The following PRKAR1B variants were observed in gnomAD, a reference collection of about 807,000 sequenced individuals.
PRKAR1B encodes cAMP-dependent protein kinase type I-beta regulatory subunit.
A neutral mutation model predicts 46.5 loss-of-function variants in PRKAR1B; 22 were observed. The ratio of observed to expected loss-of-function variants is 0.47; its 90% confidence interval spans 0.34 to 0.68. The LOEUF is 0.68. Ranked by LOEUF, PRKAR1B falls within the 30% of genes least tolerant of loss-of-function variation. The pLI is 0.01. For missense variants in PRKAR1B, 445 were observed against 535.6 expected (o/e 0.83, Z 1.67); for synonymous variants, 259 against 217.7 (o/e 1.19, Z -1.67).
Position 726,088 on chromosome 7 carries a change from CTGCATGCAGCCAGTT to C in PRKAR1B, c.-23+1107_-23+1121del, listed in dbSNP as rs1198821724. 5.3e-5 allele frequency among the ~76,000 whole-genome samples: 8 copies of C among 150,526 alleles called. No individual in the cohort carries two copies. In the East Asian group the frequency reaches 1.5e-3, roughly 29 times the overall value. On this transcript the variant is annotated intron_variant, in intron 1 of 10. Transcript: ENST00000537384. ...GCCAGTTTCTGCATGCAGCCAGTTT[CTGCATGCAGCCAGTT>C]TCTGCATGCATTAAACTCTCTATTG...
intron 2 of PRKAR1B, among the ~76,000 whole-genome samples, chr7:683,016 C>T (rs1004952983): frequency 9.2e-5 from 14 of 152,218 alleles, no homozygotes; most frequent in Admixed American, 1.3e-4. Context: ...AGCTCGGGAG[C>T]TTCCCGAAAA....
At chr7:675,333 G>A (rs775660896) in intron 4 of PRKAR1B, among the ~76,000 whole-genome samples, 3 of 152,200 alleles carry the variant, frequency 2.0e-5, no homozygotes, top group East Asian at 1.9e-4. Context: ...CTGCACTCAC[G>A]GGCACACGCC....
At chr7:647,999 A>G (rs1048060206) in intron 4 of PRKAR1B, among the ~76,000 whole-genome samples, 13 of 151,752 alleles carry the variant, frequency 8.6e-5, no homozygotes. Flanking sequence ...TTTAAAAATT[A>G]GCCGGGTGTG....
chr7:724,685 T>A (rs113451255), intron 1 of PRKAR1B, among the ~76,000 whole-genome samples: 1 of 152,218 alleles, frequency 6.6e-6, no homozygotes, highest in Non-Finnish European at 1.5e-5. Context: ...TAGTTCAACA[T>A]CCCTTGACAC....
intron 9 of PRKAR1B, among the ~76,000 whole-genome samples, chr7:577,309 A>G (rs1384645325): frequency 6.6e-6 from 1 of 152,166 alleles, no homozygotes; most frequent in African/African-American, 2.4e-5. Context: ...TGGACCCAAA[A>G]TGATCCTCGT....
intron 2 of PRKAR1B, among the ~76,000 whole-genome samples, chr7:685,956 T>G (rs1583418312): frequency 1.3e-5 from 2 of 152,206 alleles, no homozygotes; most frequent in East Asian, 3.9e-4. Flanking sequence ...ATAATAAAAT[T>G]TTGAAAAGGA....
chr7:576,173 ACGC>A (rs1166983057), intron 9 of PRKAR1B, among the ~76,000 whole-genome samples: 1 of 147,810 alleles, frequency 6.8e-6, no homozygotes, highest in African/African-American at 2.5e-5. Context: ...GCGGGCGTGC[ACGC>A]TGGCATCCTC....
At chr7:628,389 G>A (rs1783533001) in intron 4 of PRKAR1B, among the ~76,000 whole-genome samples, 1 of 152,206 alleles carries the variant, frequency 6.6e-6, no homozygotes, top group Non-Finnish European at 1.5e-5. Context: ...GTCAGCAGAG[G>A]GCAGGCGGGG....
intron 4 of PRKAR1B, among the ~76,000 whole-genome samples, chr7:643,041 A>G (rs62432173): frequency 0.089 from 13,474 of 151,654 alleles, 977 homozygotes; most frequent in Non-Finnish European, 0.13. Context: ...TGTACGGCAG[A>G]GCCTGGCACA....
At chr7:641,379 AT>A (rs1250169266) in intron 4 of PRKAR1B, among the ~76,000 whole-genome samples, 1 of 152,226 alleles carries the variant, frequency 6.6e-6, no homozygotes, top group African/African-American at 2.4e-5. Context: ...ATTGTTCATA[AT>A]AGCTCCAAAC....
chr7:577,140 A>T (rs1171232938), intron 9 of PRKAR1B, among the ~76,000 whole-genome samples: 2 of 151,982 alleles, frequency 1.3e-5, no homozygotes, highest in Non-Finnish European at 2.9e-5. Flanking sequence ...GTCCAACTCC[A>T]TCAGCGGCCC....
At chr7:567,848 G>T (rs1460594227) in intron 9 of PRKAR1B, among the ~76,000 whole-genome samples, 1 of 152,140 alleles carries the variant, frequency 6.6e-6, no homozygotes, top group Non-Finnish European at 1.5e-5. Context: ...GAAAGGAGAA[G>T]GGTGGTTCTA....
chr7:652,906 C>T (rs551644224), intron 4 of PRKAR1B, among the ~76,000 whole-genome samples: 4 of 152,234 alleles, frequency 2.6e-5, no homozygotes, highest in Non-Finnish European at 1.5e-5. Flanking sequence ...GGCCTCCTCC[C>T]TCCCATGGTG....
chr7:648,989 C>A (rs1232234410), intron 4 of PRKAR1B, among the ~76,000 whole-genome samples: 3 of 151,964 alleles, frequency 2.0e-5, no homozygotes, highest in Admixed American at 2.0e-4. Flanking sequence ...CCTGGTAAAA[C>A]CTGGTCTCTG....
At position 606,221 on chromosome 7, in the gene PRKAR1B, A is replaced by C; in HGVS notation, c.521T>G (p.Phe174Cys). 6.2e-7 allele frequency: 1 copy of C among 1,613,996 alleles called. No homozygotes were observed. The highest frequency in any genetic ancestry group is 1.3e-5 in the African/African-American group (1 of 75,046). ...VIQQGNEGDN[F>C]YVVDQGEVDV... ...CACTTCCCCTTGATCAACGACATAG[A>C]AGTTGTCTCCTTCATTCCCTGTAAC... The change falls in exon 6 of 11, where the codon TTC (phenylalanine) becomes TGC (cysteine). Residue 174 changes from phenylalanine (F) to cysteine (C), a missense_variant. Transcript: ENST00000537384.
At chr7:551,209 G>A (rs1784170581) in intron 10 of PRKAR1B, among the ~76,000 whole-genome samples, 180 bp downstream of exon 10, 1 of 152,112 alleles carries the variant, frequency 6.6e-6, no homozygotes, top group Non-Finnish European at 1.5e-5. Context: ...ACCTGGCCCT[G>A]GGACTTCAAT....
rs1482414250 is a variant in PRKAR1B at position 644,350 on chromosome 7, A to C, written c.440+32879T>G. Reference sequence around the variant, plus strand: ...ACACTGTGAGGAGCTGGAGGTACACAATGAGGTGGGGAAACTGAGGCGCGC... The same window carrying C: ...ACACTGTGAGGAGCTGGAGGTACACCATGAGGTGGGGAAACTGAGGCGCGC... On this transcript the variant is annotated intron_variant, in intron 4 of 10. Transcript: ENST00000537384. The surrounding 1 kb of genome is among the most constrained non-coding windows in gnomAD (Gnocchi z 4.9). Among the ~76,000 whole-genome samples the C allele has an allele frequency of 6.6e-6, 1 of 152,014 alleles. No homozygotes were observed. The highest frequency in any genetic ancestry group is 2.4e-5 in the African/African-American group (1 of 41,408).
chr7:564,884 C>G (rs1164237064), intron 9 of PRKAR1B, among the ~76,000 whole-genome samples: 1 of 152,146 alleles, frequency 6.6e-6, no homozygotes, highest in Non-Finnish European at 1.5e-5. Flanking sequence ...GGACGGGAGC[C>G]CAGGGGTATT....
rs1004274904 is a variant in PRKAR1B, at chr7:594,004, G to A, written c.708+2142C>T. On this transcript the variant is annotated intron_variant, in intron 7 of 10. Coordinates refer to ENST00000537384, the MANE Select transcript of PRKAR1B (RefSeq NM_001164760.2). The stretch of plus-strand genomic sequence containing the variant: ...CCAGCAGGACACCGTCTCTCAGCTG[G>A]CCCATGGCCATCAAATCCTTGTTCC... 5.9e-5 allele frequency among the ~76,000 whole-genome samples: 9 copies of A among 152,264 alleles called. No homozygotes were observed. In the East Asian group the frequency reaches 1.7e-3, roughly 30 times the overall value.
Sources: gnomAD v4.1 joint callset for allele counts (sites outside exome capture counted in the v4.1 genomes callset) on GRCh38, gnomAD v4.1.1 for gene constraint, Gnocchi (gnomAD v3.1) non-coding constraint, MANE v1.5 for transcripts, NCBI Gene and HGNC (gene_info 2026-07-23, HGNC 2026-07-21) for gene names.